The following LSAMP variants were observed in gnomAD, a reference collection of about 807,000 sequenced individuals.
LSAMP encodes limbic system associated membrane protein.
Under a neutral mutation model 38.6 loss-of-function variants are expected in LSAMP, and 7 were observed. That is an observed-to-expected ratio of 0.18 (90% confidence interval 0.10 to 0.34). The LOEUF is 0.34. Ranked by LOEUF, LSAMP falls within the 10% of genes least tolerant of loss-of-function variation. The probability of loss-of-function intolerance (pLI) is 1.00; values close to 1 mark genes in which losing one functional copy is unlikely to be tolerated. For missense variants in LSAMP, 313 were observed against 420.0 expected (o/e 0.75, Z 2.23); for synonymous variants, 154 against 166.8 (o/e 0.92, Z 0.59).
chr3:115,836,962 G>T (rs1159719326), intron 6 of LSAMP, among the ~76,000 whole-genome samples: 2 of 151,966 alleles, frequency 1.3e-5, no homozygotes, highest in Non-Finnish European at 2.9e-5. Context: ...TTGTATTTTT[G>T]GTAGAGATGG....
At chr3:116,058,404 G>T (rs1207878491) in intron 2 of LSAMP, among the ~76,000 whole-genome samples, 1 of 151,028 alleles carries the variant, frequency 6.6e-6, no homozygotes, top group African/African-American at 2.4e-5. Context: ...TAACATATTT[G>T]CTCTATCTAC....
In LSAMP at chr3:115,845,114, T is replaced by C. The variant is rs181069962; in HGVS notation, c.650-2536A>G. 9.2e-5 allele frequency among the ~76,000 whole-genome samples: 14 copies of C among 152,324 alleles called. No homozygotes were observed. The East Asian group carries it at 2.5e-3, about 27-fold the overall frequency. On this transcript the variant is annotated intron_variant, in intron 4 of 6. Transcript: ENST00000490035. ...AAGGAGTGTTGAAAAGGTAACACTG[T>C]GATTTCTGGCTTGGGCATCTGGGTA...
intron 2 of LSAMP, among the ~76,000 whole-genome samples, chr3:116,050,634 C>T (rs202070464): frequency 1.1e-4 from 17 of 152,222 alleles, no homozygotes; most frequent in East Asian, 3.9e-4. Flanking sequence ...AGATACTGGC[C>T]GTTATGCTGT....
intron 3 of LSAMP, among the ~76,000 whole-genome samples, chr3:115,887,952 G>C (rs1294737630): frequency 6.6e-6 from 1 of 151,808 alleles, no homozygotes; most frequent in Non-Finnish European, 1.5e-5. Flanking sequence ...TCAAACTATT[G>C]ACGGGCAGTA....
chr3:115,846,384 A>G (rs1480712079), intron 4 of LSAMP, among the ~76,000 whole-genome samples: 2 of 152,218 alleles, frequency 1.3e-5, no homozygotes. Context: ...GGGTAACAAA[A>G]CAGAGGACTA....
chr3:116,317,252 CA>C (rs1357310166), intron 1 of LSAMP, among the ~76,000 whole-genome samples: 2 of 152,200 alleles, frequency 1.3e-5, no homozygotes, highest in African/African-American at 4.8e-5. Flanking sequence ...CTGTAACACT[CA>C]CTGTGAAGGT....
intron 1 of LSAMP, among the ~76,000 whole-genome samples, chr3:116,388,830 T>C (rs1203357246): frequency 6.6e-6 from 1 of 152,032 alleles, no homozygotes; most frequent in African/African-American, 2.4e-5. Flanking sequence ...ACAAGCACAT[T>C]TGAAGGTAAA....
At chr3:116,396,369 G>A (rs2048767675) in intron 1 of LSAMP, among the ~76,000 whole-genome samples, 1 of 151,966 alleles carries the variant, frequency 6.6e-6, no homozygotes, top group Admixed American at 6.6e-5. Context: ...CCTCTTTTTT[G>A]TAACTACTAA....
intron 1 of LSAMP, among the ~76,000 whole-genome samples, chr3:116,411,292 C>T (rs1003744467): frequency 6.6e-6 from 1 of 151,930 alleles, no homozygotes; most frequent in African/African-American, 2.4e-5. Flanking sequence ...ACCCAAAGGA[C>T]TATAAATCAT....
chr3:116,318,135 C>CAAT (rs1553724297), intron 1 of LSAMP, among the ~76,000 whole-genome samples: 1 of 101,728 alleles, frequency 9.8e-6, no homozygotes, highest in Non-Finnish European at 1.9e-5. Flanking sequence ...GACTCCATCT[C>CAAT]AAAAAAAAAA....
intron 1 of LSAMP, among the ~76,000 whole-genome samples, chr3:116,113,580 T>G (rs576315829): frequency 1.3e-5 from 2 of 150,054 alleles, no homozygotes; most frequent in Admixed American, 6.6e-5. Context: ...CGCCCGCCAC[T>G]ACGCCCGGCT....
chr3:115,903,833 G>T (rs1260208099), intron 3 of LSAMP, among the ~76,000 whole-genome samples: 1 of 151,990 alleles, frequency 6.6e-6, no homozygotes, highest in Non-Finnish European at 1.5e-5. Flanking sequence ...GACACACTTT[G>T]GTAAACTCTT....
chr3:115,916,313 C>A (rs896439906), intron 3 of LSAMP, among the ~76,000 whole-genome samples: 1 of 152,174 alleles, frequency 6.6e-6, no homozygotes, highest in Non-Finnish European at 1.5e-5. Context: ...TAAAAACAGA[C>A]AGATGTTTAT....
At chr3:116,091,440 G>A (rs2107433392) in intron 1 of LSAMP, among the ~76,000 whole-genome samples, 1 of 152,332 alleles carries the variant, frequency 6.6e-6, no homozygotes, top group Non-Finnish European at 1.5e-5. Context: ...ACAGGCATAG[G>A]AAATCACAAG....
chr3:115,951,516 G>T (rs146056182), intron 3 of LSAMP, among the ~76,000 whole-genome samples: 213 of 152,292 alleles, frequency 1.4e-3, no homozygotes, highest in African/African-American at 4.1e-3. Flanking sequence ...ATTGATCCTG[G>T]TGTGTCTGTG....
At chr3:115,950,280 G>A (rs1169031505) in intron 3 of LSAMP, among the ~76,000 whole-genome samples, 2 of 152,098 alleles carry the variant, frequency 1.3e-5, no homozygotes. Context: ...AATTGGTAAA[G>A]AGGAAGTCAA....
intron 1 of LSAMP, among the ~76,000 whole-genome samples, chr3:116,314,502 A>T (rs1392184415): frequency 6.6e-6 from 1 of 152,242 alleles, no homozygotes; most frequent in Non-Finnish European, 1.5e-5. Flanking sequence ...GAGATCTCAC[A>T]GGAGAATTTA....
intron 1 of LSAMP, among the ~76,000 whole-genome samples, chr3:116,351,007 G>C (rs1029622248): frequency 1.3e-5 from 2 of 151,976 alleles, no homozygotes; most frequent in Non-Finnish European, 2.9e-5. Flanking sequence ...CAGAGAAGGA[G>C]GGATGACTAT....
intron 4 of LSAMP, among the ~76,000 whole-genome samples, chr3:115,848,905 A>G (rs902862102): frequency 1.3e-5 from 2 of 152,228 alleles, no homozygotes; most frequent in African/African-American, 4.8e-5. Flanking sequence ...GAAAGAGTCT[A>G]GATAAAATTA....
Sources: allele counts gnomAD v4.1 joint callset (sites outside exome capture counted in the v4.1 genomes callset), GRCh38; gene constraint gnomAD v4.1.1; transcripts MANE v1.5; gene names NCBI Gene and HGNC (gene_info 2026-07-23, HGNC 2026-07-21).